TTN: variants seen among roughly 807,000 people sequenced by gnomAD.
The protein encoded by TTN is titin.
In TTN, 1,525 loss-of-function variants were observed where a neutral mutation model predicts 3,223.0. That is an observed-to-expected ratio of 0.47 (90% CI 0.45 to 0.49). TTN has a LOEUF of 0.49. TTN is among the 20% of genes least tolerant of loss of function. The pLI is 0.00. For missense variants in TTN, 40,786 were observed against 43,424.0 expected (o/e 0.94, Z 5.40); for synonymous variants, 14,094 against 15,161.0 (o/e 0.93, Z 5.17).
chr2:178,669,714 T>A, intron 157 of TTN, 39 bp from the exon 158 acceptor site: 1 of 1,596,768 alleles, frequency 6.3e-7, no homozygotes, highest in Non-Finnish European at 8.6e-7. Context: ...TTCAGAACAT[T>A]ATAGTTGGGT....
chr2:178,699,521 C>T lies in TTN; in HGVS notation c.30683-607G>A, dbSNP rs1480671199. On this transcript the variant is annotated intron_variant, in intron 111 of 362. Transcript: ENST00000589042. The stretch of plus-strand genomic sequence containing the variant: ...CCGCCTCCCAGGTCCACACCATTCT[C>T]CTGCCTCAGCCTCCCGAGTAGCTGG... Among the ~76,000 whole-genome samples the T allele has an allele frequency of 5.6e-5, 8 of 142,760 alleles. No individual in the cohort carries two copies. The South Asian group carries it at 1.4e-3, about 25-fold the overall frequency. 93.7% of individuals were successfully genotyped at this position (142,760 alleles called of 152,430 possible). A position where few individuals can be genotyped will look rare whatever the true frequency, so the allele number is the denominator to read the frequency against.
In TTN at chr2:178,552,813, T is replaced by C. The variant is rs1699946648; in HGVS notation, c.90087A>G (p.Glu30029=). 3 of 1,613,896 alleles carry C rather than the reference T, an allele frequency of 1.9e-6. No individual in the cohort carries two copies. Among genetic ancestry groups the C allele is most frequent in the Non-Finnish European group, 2.5e-6 (3 of 1,179,814 alleles). ...AGAGATCACGTATAGGAGCTGGTAC[T>C]TCAGCAGCCTTCACTGGCTCTGTAG... ...CETTEPVKAA[E]VPAPIRDLSM... Residue 30029 remains glutamate, a synonymous_variant, in exon 335 of 363, where the codon GAA becomes GAG. Transcript: ENST00000589042.
In TTN at chr2:178,583,036, G is replaced by A; in HGVS notation, c.65767C>T (p.Leu21923=). 1.2e-6 allele frequency: 2 copies of A among 1,611,060 alleles called. No individual in the cohort carries two copies. Among genetic ancestry groups the A allele is most frequent in the Non-Finnish European group, 1.7e-6 (2 of 1,178,312 alleles). ...GAGTCCTTCCGGTTCACGCTGAATA[G>A]CTCCAAGGTGCACAGATTCCGCTGC... ...AMQRNLCTLE[L]FSVNRKDSGD... is the part of the protein sequence containing the mutation. The change falls in exon 313 of 363, where the codon CTA becomes TTA. Residue 21923 remains leucine (L), a synonymous_variant. Coordinates refer to ENST00000589042, the MANE Select transcript of TTN (RefSeq NM_001267550.2).
intron 309 of TTN, 23 bp downstream of exon 309, chr2:178,585,049 C>T (rs763348114): frequency 1.1e-5 from 17 of 1,603,738 alleles, no homozygotes; most frequent in Non-Finnish European, 1.3e-5. Context: ...TTTAGATGGC[C>T]ATTTGTCTAA....
In TTN at chr2:178,565,670, G is replaced by A. The variant is rs200489046; in HGVS notation, c.80462C>T (p.Pro26821Leu). Residue 26821 changes from proline to leucine, a missense_variant, in exon 326 of 363, where the codon CCC becomes CTC. Coordinates refer to ENST00000589042, the MANE Select transcript of TTN (RefSeq NM_001267550.2). The stretch of plus-strand genomic sequence containing the variant: ...AATGCTCCATTTTTCAGTTCCTTTG[G>A]GCTGCATTTCAACAACGTACCCCAG... ...RVLGYVVEMQ[P>L]KGTEKWSIVA... 1.9e-4 allele frequency: 304 copies of A among 1,613,440 alleles called. No homozygotes were observed. Among genetic ancestry groups the A allele is most frequent in the Middle Eastern group, 5.0e-4 (3 of 6,058 alleles).
At chr2:178,581,401 C>T in intron 316 of TTN, 98 bp downstream of exon 316, 1 of 1,063,790 alleles carries the variant, frequency 9.4e-7, no homozygotes, top group East Asian at 2.6e-5. Flanking sequence ...CAGCTCTACA[C>T]CTTGTTAATA....
intron 155 of TTN, among the ~76,000 whole-genome samples, chr2:178,671,396 T>A (rs935176868): frequency 6.6e-6 from 1 of 151,720 alleles, no homozygotes; most frequent in Non-Finnish European, 1.5e-5. Flanking sequence ...ATTACACATA[T>A]ATTGTTAATT....
intron 102 of TTN, among the ~76,000 whole-genome samples, chr2:178,706,203 G>A (rs773294765): frequency 6.6e-6 from 1 of 152,188 alleles, no homozygotes; most frequent in Non-Finnish European, 1.5e-5. Context: ...AGATGCTCAA[G>A]TCCCTGATGC....
At position 178,712,303 on chromosome 2, in the gene TTN, A is replaced by G. The variant is rs1464163783; in HGVS notation, c.27607+12T>C. ...TTGTATACAAAGATAAAAATGTGCA[A>G]TCATGACAAACCTAGTATGAGTATT... On this transcript the variant is annotated intron_variant, in intron 95 of 362. Transcript: ENST00000589042. 1 of 1,610,602 alleles carries G rather than the reference A, an allele frequency of 6.2e-7. No homozygotes were observed. The highest frequency in any genetic ancestry group is 8.5e-7 in the Non-Finnish European group (1 of 1,177,460).
At position 178,743,357 on chromosome 2, in the gene TTN, G is replaced by A. The variant is rs77520652; in HGVS notation, c.11312-1436C>T. 5.5e-3 allele frequency among the ~76,000 whole-genome samples: 839 copies of A among 151,814 alleles called. 6 individuals carry two copies. The highest frequency in any genetic ancestry group is 0.021 in the Middle Eastern group (6 of 292). On this transcript the variant is annotated intron_variant, in intron 47 of 362. Transcript: ENST00000589042. Reference sequence around the variant, plus strand: ...AGAATCAGAGAAATTAATATTTTGGGGTTTTATGTTACGTGCCATTGAGTC... The same window carrying A: ...AGAATCAGAGAAATTAATATTTTGGAGTTTTATGTTACGTGCCATTGAGTC...
chr2:178,554,985 T>C lies in TTN; in HGVS notation c.88474A>G (p.Thr29492Ala). 1 of 1,613,728 alleles carries C rather than the reference T, an allele frequency of 6.2e-7. No homozygotes were observed. Among genetic ancestry groups the C allele is most frequent in the South Asian group, 1.1e-5 (1 of 91,074 alleles). ...ATGAGTATAGATGCGAGGTCCGTGG[T>C]ATTTTCAACACACACCAGTGCATTG... Reference protein sequence around the residue: ...QTNALVCVENTTDLASILIKD... With the variant: ...QTNALVCVENATDLASILIKD... Residue 29492 changes from threonine to alanine, a missense_variant, in exon 331 of 363, where the codon ACC (threonine) becomes GCC (alanine). Transcript: ENST00000589042.
chr2:178,547,314 A>G lies in TTN; in HGVS notation c.94220-9T>C. ...AGGAGCGCTTGGTGGGACTAAATAT[A>G]AACAAAGGTATTAAGTATGAATACA... On this transcript the variant is annotated splice_polypyrimidine_tract_variant and intron_variant, in intron 339 of 362. Transcript: ENST00000589042. The G allele has an allele frequency of 6.3e-7, 1 of 1,594,042 alleles. No individual in the cohort carries two copies. Among genetic ancestry groups the G allele is most frequent in the Non-Finnish European group, 8.5e-7 (1 of 1,170,902 alleles).
At position 178,582,502 on chromosome 2, in the gene TTN, C is replaced by A; in HGVS notation, c.65954G>T (p.Gly21985Val). 6.2e-7 allele frequency: 1 copy of A among 1,612,908 alleles called. No homozygotes were observed. Among genetic ancestry groups the A allele is most frequent in the Non-Finnish European group, 8.5e-7 (1 of 1,179,282 alleles). Residue 21985 changes from glycine (G) to valine (V), a missense_variant, in exon 314 of 363, where the codon GGC (glycine) becomes GTC (valine). Gly to Val is a moderately radical substitution (Grantham distance 109). Coordinates refer to ENST00000589042, the MANE Select transcript of TTN (RefSeq NM_001267550.2). ...LSWEPPLEDG[G>V]SEITNYIVDK... The stretch of plus-strand genomic sequence containing the variant: ...AACAATATAGTTGGTGATTTCTGAG[C>A]CTCCATCTTCAAGAGGCGGTTCCCA...
In TTN at chr2:178,663,997, A is replaced by G. The variant is rs1447453621; in HGVS notation, c.36364+18T>C. ...AGAAGAATTAGGTCTTCTGAAGCCT[A>G]AAGTCAGTGACAAATACCTTTAACA... On this transcript the variant is annotated intron_variant, in intron 169 of 362. Transcript: ENST00000589042. The G allele has an allele frequency of 2.5e-6, 4 of 1,612,976 alleles. No homozygotes were observed. The African/African-American group carries it at 5.3e-5, about 22-fold the overall frequency.
At chr2:178,640,713 A>G in intron 220 of TTN, 83 bp from the exon 221 acceptor site, 1 of 1,145,884 alleles carries the variant, frequency 8.7e-7, no homozygotes, top group South Asian at 1.4e-5. Flanking sequence ...TATTTTTCAA[A>G]AACTCTATGG....
chr2:178,608,294 T>C lies in TTN; in HGVS notation c.52589A>G (p.Asn17530Ser), dbSNP rs762214300. The part of the protein sequence containing the change: ...NKSLLNALKA[N>S]VDGLLEGLTY... Reference sequence around the variant, plus strand: ...GAGTCCTTCTAATAAGCCATCTACATTGGCTTTCAAGGCATTCAGAAGGCT... The same window carrying C: ...GAGTCCTTCTAATAAGCCATCTACACTGGCTTTCAAGGCATTCAGAAGGCT... Residue 17530 changes from asparagine to serine, a missense_variant, in exon 275 of 363, where the codon AAT becomes AGT. Asn to Ser is a conservative substitution (Grantham distance 46). Coordinates refer to ENST00000589042, the MANE Select transcript of TTN (RefSeq NM_001267550.2). The C allele has an allele frequency of 4.3e-5, 70 of 1,612,148 alleles. No individual in the cohort carries two copies. Among genetic ancestry groups the C allele is most frequent in the Admixed American group, 5.0e-5 (3 of 59,874 alleles).
At chr2:178,763,151 G>T (rs2089635630) in intron 43 of TTN, among the ~76,000 whole-genome samples, 1 of 152,128 alleles carries the variant, frequency 6.6e-6, no homozygotes, top group Non-Finnish European at 1.5e-5. Context: ...TTTCCCTTTG[G>T]CTGGGAAACT....
At position 178,543,486 on chromosome 2, in the gene TTN, G is replaced by A. The variant is rs1448896859; in HGVS notation, c.96487C>T (p.Leu32163Phe). Residue 32163 changes from leucine to phenylalanine, a missense_variant, in exon 347 of 363, where the codon CTT (leucine) becomes TTT (phenylalanine). Coordinates refer to ENST00000589042, the MANE Select transcript of TTN (RefSeq NM_001267550.2). ...TCTACAAGTCCAGAAATTCTGTAAA[G>A]TGTCTTGCTGCATTTGGTAGTTACT... ...KTVTTKCSKT[L>F]YRISGLVEGT... 1 of 1,613,786 alleles carries A rather than the reference G, an allele frequency of 6.2e-7. No homozygotes were observed. The highest frequency in any genetic ancestry group is 1.3e-5 in the African/African-American group (1 of 75,044).
At chr2:178,536,660 G>A in intron 356 of TTN, 85 bp from the exon 357 acceptor site, 1 of 1,192,828 alleles carries the variant, frequency 8.4e-7, no homozygotes. Context: ...AATGTTATAT[G>A]AGTCCAAAAT....
Sources: allele counts gnomAD v4.1 joint callset (sites outside exome capture counted in the v4.1 genomes callset), GRCh38; gene constraint gnomAD v4.1.1; transcripts MANE v1.5; gene names NCBI Gene and HGNC (gene_info 2026-07-23, HGNC 2026-07-21).